The following CNTNAP5 variants were observed in gnomAD, a reference collection of about 807,000 sequenced individuals.
The protein encoded by CNTNAP5 is contactin-associated protein-like 5.
Under a neutral mutation model 150.2 loss-of-function variants are expected in CNTNAP5, and 72 were observed. The observed-to-expected ratio is 0.48, with a 90% CI of 0.40 to 0.58. The LOEUF is 0.58. CNTNAP5 is among the 20% of genes least tolerant of loss of function. The probability of loss-of-function intolerance (pLI) is 0.00; values close to 1 mark genes in which losing one functional copy is unlikely to be tolerated. For missense variants in CNTNAP5, 1,636 were observed against 1,626.2 expected, an observed-to-expected ratio of 1.01 and a Z score of -0.10; for synonymous variants, 672 against 619.8, an observed-to-expected ratio of 1.08 and a Z score of -1.25.
chr2:124,510,285 C>CTACATATCTATA (rs1694534499), intron 8 of CNTNAP5, among the ~76,000 whole-genome samples: 1 of 73,300 alleles, frequency 1.4e-5, no homozygotes, highest in Non-Finnish European at 2.4e-5. Context: ...ATATCTATAT[C>CTACATATCTATA]TATATATCTA....
In CNTNAP5 at chr2:124,303,022, C is replaced by A. The variant is rs1193494196; in HGVS notation, c.381+60629C>A. Among the ~76,000 whole-genome samples, 3 of 152,134 alleles carry A rather than the reference C, an allele frequency of 2.0e-5. No individual in the cohort carries two copies. The East Asian group carries it at 5.8e-4, about 29-fold the overall frequency. On this transcript the variant is annotated intron_variant, in intron 3 of 23. Coordinates refer to ENST00000682447, the MANE Select transcript of CNTNAP5 (RefSeq NM_001367498.1). ...CTCTTTGCCTACATAAAGGGACAAA[C>A]CCACCTTCCTGTTGTTCCTTTCTTA...
intron 10 of CNTNAP5, among the ~76,000 whole-genome samples, chr2:124,545,604 A>T (rs982263830): frequency 6.6e-6 from 1 of 152,136 alleles, no homozygotes; most frequent in Non-Finnish European, 1.5e-5. Context: ...ATGAGTCATT[A>T]TCGTGGTGAC....
intron 3 of CNTNAP5, among the ~76,000 whole-genome samples, chr2:124,302,531 G>C (rs1206364551): frequency 6.6e-6 from 1 of 152,076 alleles, no homozygotes; most frequent in Non-Finnish European, 1.5e-5. Flanking sequence ...AGTGAGAGAG[G>C]AAAAGTACTA....
intron 3 of CNTNAP5, among the ~76,000 whole-genome samples, chr2:124,334,357 C>T (rs1689420488): frequency 6.6e-6 from 1 of 152,018 alleles, no homozygotes; most frequent in African/African-American, 2.4e-5. Context: ...AATGAAAGAA[C>T]AAATCATAGA....
intron 11 of CNTNAP5, among the ~76,000 whole-genome samples, chr2:124,571,960 A>G (rs1696173899): frequency 1.3e-5 from 2 of 152,208 alleles, no homozygotes; most frequent in African/African-American, 4.8e-5. Flanking sequence ...AAAAAAAGAA[A>G]GAAAGAAATC....
intron 18 of CNTNAP5, among the ~76,000 whole-genome samples, chr2:124,791,139 C>A (rs1681718863): frequency 6.6e-6 from 1 of 152,102 alleles, no homozygotes; most frequent in Non-Finnish European, 1.5e-5. Context: ...CTTTACAAAG[C>A]AATGGTTTAT....
intron 3 of CNTNAP5, among the ~76,000 whole-genome samples, chr2:124,277,111 C>T (rs1399817502): frequency 1.3e-5 from 2 of 152,060 alleles, no homozygotes; most frequent in Non-Finnish European, 2.9e-5. Context: ...AATGTTGCTC[C>T]CTGAAACCCA....
At chr2:124,297,042 C>A (rs1194693887) in intron 3 of CNTNAP5, among the ~76,000 whole-genome samples, 1 of 152,182 alleles carries the variant, frequency 6.6e-6, no homozygotes, top group East Asian at 1.9e-4. Flanking sequence ...GAAGGTTATT[C>A]TTTTCCTATT....
rs533421473 is a variant in CNTNAP5 at position 124,872,099 on chromosome 2, T to C, written c.3436+2337T>C. ...ATCACATTCACTAGTCCTCTCCTTA[T>C]TTAGGCCTAATCCCATTCAATGAAT... On this transcript the variant is annotated intron_variant, in intron 21 of 23. Transcript: ENST00000682447. Among the ~76,000 whole-genome samples the C allele has an allele frequency of 4.6e-5, 7 of 152,204 alleles. No homozygotes were observed. The South Asian group carries it at 1.2e-3, about 27-fold the overall frequency.
At chr2:124,729,844 A>C (rs757322116) in intron 13 of CNTNAP5, among the ~76,000 whole-genome samples, 1 of 152,014 alleles carries the variant, frequency 6.6e-6, no homozygotes, top group South Asian at 2.1e-4. Flanking sequence ...GTTCACATTC[A>C]TTTTTTTATA....
chr2:124,692,713 G>A (rs1195434555), intron 13 of CNTNAP5, among the ~76,000 whole-genome samples: 1 of 152,066 alleles, frequency 6.6e-6, no homozygotes, highest in African/African-American at 2.4e-5. Context: ...GAAAATACTA[G>A]CACAGACTAA....
chr2:124,557,491 C>A (rs983060905), intron 10 of CNTNAP5, among the ~76,000 whole-genome samples: 13 of 152,158 alleles, frequency 8.5e-5, no homozygotes, highest in South Asian at 2.1e-4. Context: ...CCCAGAAATG[C>A]CTGTCATTCA....
At chr2:124,568,413 C>T (rs994442544) in intron 11 of CNTNAP5, among the ~76,000 whole-genome samples, 1 of 152,024 alleles carries the variant, frequency 6.6e-6, no homozygotes, top group Non-Finnish European at 1.5e-5. Context: ...GCAGAACTTG[C>T]CTGGCTCAAA....
At chr2:124,305,299 C>A (rs556259775) in intron 3 of CNTNAP5, among the ~76,000 whole-genome samples, 1 of 151,560 alleles carries the variant, frequency 6.6e-6, no homozygotes, top group African/African-American at 2.4e-5. Flanking sequence ...AAAGGTGACA[C>A]TGCAAATGGC....
At chr2:124,115,273 A>G (rs1428672914) in intron 1 of CNTNAP5, among the ~76,000 whole-genome samples, 3 of 152,188 alleles carry the variant, frequency 2.0e-5, no homozygotes, top group Non-Finnish European at 4.4e-5. Context: ...TACAGGTTTT[A>G]TTAGATCATA....
intron 6 of CNTNAP5, among the ~76,000 whole-genome samples, chr2:124,453,598 A>G (rs1693042583): frequency 6.6e-6 from 1 of 152,194 alleles, no homozygotes; most frequent in African/African-American, 2.4e-5. Flanking sequence ...ATCTAAAGTT[A>G]AGATGAAGGA....
chr2:124,453,550 A>G (rs1436994092), intron 6 of CNTNAP5, among the ~76,000 whole-genome samples: 1 of 152,192 alleles, frequency 6.6e-6, no homozygotes, highest in African/African-American at 2.4e-5. Context: ...GAAATTCATC[A>G]CCAAAAGATC....
intron 14 of CNTNAP5, among the ~76,000 whole-genome samples, chr2:124,763,322 C>T (rs553979621): frequency 1.3e-5 from 2 of 152,126 alleles, no homozygotes; most frequent in Non-Finnish European, 2.9e-5. Context: ...CTGAGATAGC[C>T]GATCTCTTTA....
intron 19 of CNTNAP5, among the ~76,000 whole-genome samples, chr2:124,835,822 G>A (rs1048232143): frequency 6.6e-6 from 1 of 152,056 alleles, no homozygotes; most frequent in African/African-American, 2.4e-5. Flanking sequence ...AGTAAAGAAT[G>A]ACCACCTCAC....
Sources: gnomAD v4.1 joint callset for allele counts (sites outside exome capture counted in the v4.1 genomes callset) on GRCh38, gnomAD v4.1.1 for gene constraint, MANE v1.5 for transcripts, NCBI Gene and HGNC (gene_info 2026-07-23, HGNC 2026-07-21) for gene names.